The following GRIK2 variants were observed in gnomAD, a reference collection of about 807,000 sequenced individuals.
GRIK2 encodes the protein glutamate receptor ionotropic, kainate 2.
A neutral mutation model predicts 100.3 loss-of-function variants in GRIK2; 32 were observed. That is an observed-to-expected ratio of 0.32 (90% confidence interval 0.24 to 0.43). The LOEUF (loss-of-function observed/expected upper bound fraction) is 0.43. Ranked by LOEUF, GRIK2 falls within the 20% of genes least tolerant of loss-of-function variation. The pLI is 1.00. For synonymous variants in GRIK2, 417 were observed against 389.4 expected, an observed-to-expected ratio of 1.07 and a Z score of -0.83; for missense variants, 843 against 1,114.9, an observed-to-expected ratio of 0.76 and a Z score of 3.47.
intron 15 of GRIK2, among the ~76,000 whole-genome samples, chr6:102,046,684 G>C (rs948230635): frequency 1.3e-5 from 2 of 151,978 alleles, no homozygotes; most frequent in African/African-American, 4.8e-5. Context: ...GTGTGCAAAT[G>C]GACTATTAAA....
intron 2 of GRIK2, among the ~76,000 whole-genome samples, chr6:101,569,695 A>C (rs1231010383): frequency 6.6e-6 from 1 of 152,068 alleles, no homozygotes; most frequent in Admixed American, 6.6e-5. Flanking sequence ...GAATAACCAA[A>C]TATTAATTTA....
chr6:101,440,657 T>C (rs1445625018), intron 2 of GRIK2, among the ~76,000 whole-genome samples: 1 of 152,208 alleles, frequency 6.6e-6, no homozygotes, highest in Non-Finnish European at 1.5e-5. Flanking sequence ...TTCTAGTTCT[T>C]TTCAGTTAAA....
At chr6:101,943,358 T>C (rs1253275677) in intron 14 of GRIK2, among the ~76,000 whole-genome samples, 2 of 152,170 alleles carry the variant, frequency 1.3e-5, no homozygotes, top group Admixed American at 6.6e-5. Context: ...AATGTGGGGT[T>C]GGAGCCCCCA....
At chr6:101,924,420 A>T (rs530505202) in intron 12 of GRIK2, among the ~76,000 whole-genome samples, 181 bp from the exon 13 acceptor site, 47 of 152,330 alleles carry the variant, frequency 3.1e-4, no homozygotes, top group African/African-American at 1.0e-3. Flanking sequence ...TTAGCTGATA[A>T]GGACAGGGAT....
intron 4 of GRIK2, among the ~76,000 whole-genome samples, chr6:101,659,165 T>C (rs930087857): frequency 2.0e-5 from 3 of 152,232 alleles, no homozygotes; most frequent in Non-Finnish European, 4.4e-5. Context: ...TTTAAGTCTT[T>C]AATCCATCTT....
intron 8 of GRIK2, among the ~76,000 whole-genome samples, chr6:101,801,527 T>C (rs900171724): frequency 3.3e-5 from 5 of 152,104 alleles, no homozygotes; most frequent in Non-Finnish European, 7.4e-5. Context: ...TCTACTGATA[T>C]TTACTTCTTT....
intron 11 of GRIK2, among the ~76,000 whole-genome samples, chr6:101,884,626 G>A (rs1465941387): frequency 6.6e-6 from 1 of 151,972 alleles, no homozygotes; most frequent in Non-Finnish European, 1.5e-5. Context: ...TATTAGTTAT[G>A]TAACTCTGTA....
intron 10 of GRIK2, among the ~76,000 whole-genome samples, chr6:101,832,604 A>G (rs1169869068): frequency 6.6e-6 from 1 of 152,190 alleles, no homozygotes; most frequent in East Asian, 1.9e-4. Flanking sequence ...GGCTGGACAG[A>G]TACTTTAGAA....
chr6:101,460,681 T>C (rs1399790093), intron 2 of GRIK2, among the ~76,000 whole-genome samples: 1 of 152,204 alleles, frequency 6.6e-6, no homozygotes. Context: ...TAGGGGGTTA[T>C]CTCCATATAG....
rs138532805 is a variant in GRIK2 at position 101,970,856 on chromosome 6, A to G, written c.2085+42224A>G. The stretch of plus-strand genomic sequence containing the variant: ...CCTCAATTTGAGTTTAAGTTGAAAA[A>G]ACAAATTTTGCAGAAGTGAAGGCAA... On this transcript the variant is annotated intron_variant, in intron 14 of 16. Coordinates refer to ENST00000369134, the MANE Select transcript of GRIK2 (RefSeq NM_021956.5). Among the ~76,000 whole-genome samples the G allele has an allele frequency of 9.9e-5, 15 of 150,802 alleles. 2 individuals are homozygous for G. The highest frequency in any genetic ancestry group is 3.7e-4 in the African/African-American group (15 of 40,256).
intron 4 of GRIK2, among the ~76,000 whole-genome samples, chr6:101,663,234 G>A (rs1769763582): frequency 6.6e-6 from 1 of 152,126 alleles, no homozygotes; most frequent in African/African-American, 2.4e-5. Context: ...AGCTGTGAAG[G>A]ATCATTTGCC....
At chr6:101,520,061 G>C (rs1774803994) in intron 2 of GRIK2, among the ~76,000 whole-genome samples, 2 of 151,998 alleles carry the variant, frequency 1.3e-5, no homozygotes, top group African/African-American at 4.8e-5. Context: ...AAATCACAAA[G>C]ACCCTAAGGG....
intron 14 of GRIK2, among the ~76,000 whole-genome samples, chr6:101,950,363 C>A (rs910244145): frequency 6.6e-6 from 1 of 152,080 alleles, no homozygotes; most frequent in African/African-American, 2.4e-5. Context: ...GACCAGAGGT[C>A]ACTTGAATAA....
intron 4 of GRIK2, among the ~76,000 whole-genome samples, chr6:101,665,089 A>G (rs1769918506): frequency 6.6e-6 from 1 of 152,168 alleles, no homozygotes; most frequent in South Asian, 2.1e-4. Context: ...CTCTGCTGGA[A>G]TCACAGATAC....
At chr6:101,857,350 G>A (rs1784479358) in intron 10 of GRIK2, among the ~76,000 whole-genome samples, 1 of 152,210 alleles carries the variant, frequency 6.6e-6, no homozygotes, top group Admixed American at 6.5e-5. Flanking sequence ...CTAACACACA[G>A]TGGCAGTGTT....
At chr6:101,417,385 C>T (rs770216191) in intron 2 of GRIK2, among the ~76,000 whole-genome samples, 3 of 152,122 alleles carry the variant, frequency 2.0e-5, no homozygotes, top group Non-Finnish European at 4.4e-5. Flanking sequence ...GGCATCATTC[C>T]CATCTTCTAA....
chr6:101,846,350 G>C (rs780457335), intron 10 of GRIK2, among the ~76,000 whole-genome samples: 3 of 152,072 alleles, frequency 2.0e-5, no homozygotes, highest in African/African-American at 4.8e-5. Flanking sequence ...TGTGAGGTAA[G>C]TATCAACTTC....
chr6:102,021,579 T>A (rs1002998132), intron 14 of GRIK2, among the ~76,000 whole-genome samples: 1 of 151,630 alleles, frequency 6.6e-6, no homozygotes, highest in African/African-American at 2.4e-5. Context: ...CCATTAATAA[T>A]AATAGAGGTA....
At chr6:101,595,706 G>GTATATATATATATATA (rs1417393124) in intron 2 of GRIK2, among the ~76,000 whole-genome samples, 50 of 125,384 alleles carry the variant, frequency 4.0e-4, no homozygotes, top group African/African-American at 1.3e-3. Flanking sequence ...ATATGTGTGT[G>GTATATATATATATATA]TGTGTGTGTG....
Sources: allele counts gnomAD v4.1 joint callset (sites outside exome capture counted in the v4.1 genomes callset), GRCh38; gene constraint gnomAD v4.1.1; transcripts MANE v1.5; gene names NCBI Gene and HGNC (gene_info 2026-07-23, HGNC 2026-07-21).